The following SPRED3 variants were observed in gnomAD, a reference collection of about 807,000 sequenced individuals.
SPRED3 encodes sprouty related EVH1 domain containing 3.
Under a neutral mutation model 37.6 loss-of-function variants are expected in SPRED3, and 23 were observed. That is an observed-to-expected ratio of 0.61 (90% CI 0.44 to 0.87). SPRED3 has a LOEUF of 0.87. Among genes scored for constraint, SPRED3 ranks in the 40% least tolerant of loss-of-function variants. The pLI, the probability that SPRED3 is intolerant of heterozygous loss-of-function variation, is 0.00. For synonymous variants in SPRED3, 302 were observed against 279.6 expected (o/e 1.08, Z -0.80); for missense variants, 584 against 618.6 (o/e 0.94, Z 0.59).
rs769626750 is a variant in SPRED3 at position 38,395,500 on chromosome 19, G to C, written c.588G>C (p.Pro196=). 4 of 1,516,458 alleles carry C rather than the reference G, an allele frequency of 2.6e-6. No individual in the cohort carries two copies. Among genetic ancestry groups the C allele is most frequent in the Non-Finnish European group, 3.5e-6 (4 of 1,136,836 alleles). The allele number at this position is 1,516,458 out of a possible 1,614,324, so 93.9% of individuals were successfully genotyped here. Residue 196 remains proline, a synonymous_variant, in exon 6 of 6, where the codon CCG becomes CCC. Transcript: ENST00000691638. This position sits in a 1 kb window ranked among gnomAD's most constrained non-coding sequence, Gnocchi z 5.2. The stretch of plus-strand genomic sequence containing the variant: ...CGCAGAGCTACCCTCCGCTTCTACC[G>C]TTCACGGGGATTCCGGAACCCTCAG... The part of the protein sequence containing the change: ...SSAQSYPPLL[P]FTGIPEPSEP...
chr19:38,388,806 A>G lies in SPRED3; in HGVS notation c.-6A>G. ...GCTCGGAGCCCGGCCGGAGCCTCGC[A>G]GGCAGGTGCCGAGGGGGGCGAGGGG... On this transcript the variant is annotated splice_region_variant and 5_prime_UTR_variant, in exon 1 of 6. Transcript: ENST00000691638. 1 of 397,636 alleles carries G rather than the reference A, an allele frequency of 2.5e-6. No homozygotes were observed. Among genetic ancestry groups the G allele is most frequent in the Non-Finnish European group, 4.4e-6 (1 of 225,474 alleles). 24.6% of individuals were successfully genotyped at this position (397,636 alleles called of 1,614,324 possible). A position where few individuals can be genotyped will look rare whatever the true frequency, so the allele number is the denominator to read the frequency against.
rs1011566178 is a variant in SPRED3 at position 38,396,723 on chromosome 19, G to A, written c.*578G>A. On this transcript the variant is annotated 3_prime_UTR_variant, in exon 6 of 6. Coordinates refer to ENST00000691638, the MANE Select transcript of SPRED3 (RefSeq NM_001394336.1). The stretch of plus-strand genomic sequence containing the variant: ...GGACCCCTGAGACAGCAGGACCCCT[G>A]AGAAAGTTTCAAACAGAGTTTGAAA... The A allele has an allele frequency of 6.6e-6, 1 of 152,072 alleles. No homozygotes were observed. The highest frequency in any genetic ancestry group is 2.4e-5 in the African/African-American group (1 of 41,380). 9.4% of individuals were successfully genotyped at this position (152,072 alleles called of 1,614,324 possible).
At position 38,396,737 on chromosome 19, in the gene SPRED3, C is replaced by T. The variant is rs1350141920; in HGVS notation, c.*592C>T. 6.6e-6 allele frequency: 1 copy of T among 152,086 alleles called. No individual in the cohort carries two copies. The allele number at this position is 152,086 out of a possible 1,614,324, so 9.4% of individuals were successfully genotyped here. A position where few individuals can be genotyped will look rare whatever the true frequency, so the allele number is the denominator to read the frequency against. ...GCAGGACCCCTGAGAAAGTTTCAAACAGAGTTTGAAACTCTGTTATGCTCT... is the reference window on the plus strand; with the variant it reads ...GCAGGACCCCTGAGAAAGTTTCAAATAGAGTTTGAAACTCTGTTATGCTCT... On this transcript the variant is annotated 3_prime_UTR_variant, in exon 6 of 6. Coordinates refer to ENST00000691638, the MANE Select transcript of SPRED3 (RefSeq NM_001394336.1).
rs1242009734 is a variant in SPRED3 at position 38,397,047 on chromosome 19, A to G, written c.*902A>G. On this transcript the variant is annotated 3_prime_UTR_variant, in exon 6 of 6. Transcript: ENST00000691638. ...GACCTCCATAGGTCCACCCACCCCCAAGCCAGGGTTCTCAGGAGCTTTGGA... is the reference window on the plus strand; with the variant it reads ...GACCTCCATAGGTCCACCCACCCCCGAGCCAGGGTTCTCAGGAGCTTTGGA... The G allele has an allele frequency of 6.6e-6, 1 of 152,064 alleles. No individual in the cohort carries two copies. Among genetic ancestry groups the G allele is most frequent in the Non-Finnish European group, 1.5e-5 (1 of 67,990 alleles). 9.4% of individuals were successfully genotyped at this position (152,064 alleles called of 1,614,324 possible). A position where few individuals can be genotyped will look rare whatever the true frequency, so the allele number is the denominator to read the frequency against.
Position 38,396,015 on chromosome 19 carries a change from C to A in SPRED3, c.1103C>A (p.Ala368Asp). 2 of 1,371,108 alleles carry A rather than the reference C, an allele frequency of 1.5e-6. No homozygotes were observed. Among genetic ancestry groups the A allele is most frequent in the African/African-American group, 1.5e-5 (1 of 65,298 alleles). The allele number at this position is 1,371,108 out of a possible 1,614,324, so 84.9% of individuals were successfully genotyped here. ...PGHPRPAARWAALAALSLAVP... is the reference protein window; with the variant it reads ...PGHPRPAARWDALAALSLAVP... ...CACCCGCGCCCCGCCGCGCGCTGGG[C>A]CGCGCTGGCCGCGCTCTCCCTGGCA... is the stretch of plus-strand genomic sequence containing the variant. The change falls in exon 6 of 6, where the codon GCC becomes GAC. Residue 368 changes from alanine to aspartate, a missense_variant. Ala to Asp is a moderately radical substitution (Grantham distance 126). Coordinates refer to ENST00000691638, the MANE Select transcript of SPRED3 (RefSeq NM_001394336.1).
Position 38,394,708 on chromosome 19 carries a change from G to A in SPRED3, c.489G>A (p.Ala163=). The A allele has an allele frequency of 6.3e-7, 1 of 1,594,494 alleles. No homozygotes were observed. The highest frequency in any genetic ancestry group is 8.5e-7 in the Non-Finnish European group (1 of 1,173,282). Residue 163 remains alanine (A), a synonymous_variant, in exon 5 of 6, where the codon GCG becomes GCA. Transcript: ENST00000691638. ...SRQETPPSAA[A]APIITMESAS... Reference sequence around the variant, plus strand: ...AGGAGACTCCTCCCAGCGCCGCTGCGGCCCCCATCATCACGATGGAGTCAG... The same window carrying A: ...AGGAGACTCCTCCCAGCGCCGCTGCAGCCCCCATCATCACGATGGAGTCAG...
In SPRED3 at chr19:38,395,268, A is replaced by C. The variant is rs1568396612; in HGVS notation, c.568-212A>C. Reference sequence around the variant, plus strand: ...GATCTTAAGAGAGGACAGGACTAGGAACCTTCGGCCTCTGGGTCCTTAAAG... The same window carrying C: ...GATCTTAAGAGAGGACAGGACTAGGCACCTTCGGCCTCTGGGTCCTTAAAG... On this transcript the variant is annotated intron_variant, in intron 5 of 5. Coordinates refer to ENST00000691638, the MANE Select transcript of SPRED3 (RefSeq NM_001394336.1). This position sits in a 1 kb window ranked among gnomAD's most constrained non-coding sequence, Gnocchi z 5.2. Among the ~76,000 whole-genome samples the C allele has an allele frequency of 1.3e-5, 2 of 152,054 alleles. No homozygotes were observed. Among genetic ancestry groups the C allele is most frequent in the Non-Finnish European group, 2.9e-5 (2 of 68,020 alleles).
chr19:38,393,760 T>G, intron 4 of SPRED3, among the ~76,000 whole-genome samples: 1 of 152,208 alleles, frequency 6.6e-6, no homozygotes, highest in East Asian at 1.9e-4. Context: ...AGTAAGTGTT[T>G]AGTAAATATG....
chr19:38,399,209 C>T lies in SPRED3; in HGVS notation c.*3064C>T, dbSNP rs1041099970. The T allele has an allele frequency of 6.6e-6, 1 of 152,610 alleles. No homozygotes were observed. The highest frequency in any genetic ancestry group is 1.5e-5 in the Non-Finnish European group (1 of 68,396). The allele number at this position is 152,610 out of a possible 1,614,324, so 9.5% of individuals were successfully genotyped here. ...GGAAAGGTCCCCTGGCCGCCACTTCCCAGCAGCGCCTCTCCCAGGTCCCCC... is the reference window on the plus strand; with the variant it reads ...GGAAAGGTCCCCTGGCCGCCACTTCTCAGCAGCGCCTCTCCCAGGTCCCCC... On this transcript the variant is annotated 3_prime_UTR_variant, in exon 6 of 6. Transcript: ENST00000691638.
Position 38,394,644 on chromosome 19 carries a change from C to T in SPRED3, c.425C>T (p.Ser142Phe). Residue 142 changes from serine to phenylalanine, a missense_variant and splice_region_variant, in exon 5 of 6, where the codon TCC becomes TTC. Coordinates refer to ENST00000691638, the MANE Select transcript of SPRED3 (RefSeq NM_001394336.1). ...DTAETPCPLT[S>F]HVDSDSSSSH... Reference sequence around the variant, plus strand: ...GCTGAGGCCGCCAATCTCCTCCAGTCCCACGTGGACAGCGACTCCTCCTCC... The same window carrying T: ...GCTGAGGCCGCCAATCTCCTCCAGTTCCACGTGGACAGCGACTCCTCCTCC... The T allele has an allele frequency of 1.3e-6, 2 of 1,594,860 alleles. No individual in the cohort carries two copies. The highest frequency in any genetic ancestry group is 1.7e-6 in the Non-Finnish European group (2 of 1,175,286).
rs567290781 is a variant in SPRED3, at chr19:38,396,924, C to T, written c.*779C>T. ...CTGAGTGCTCGGATATACTGAAACACGAGCTGTTCTCTTACCAAAATGACT... is the reference window on the plus strand; with the variant it reads ...CTGAGTGCTCGGATATACTGAAACATGAGCTGTTCTCTTACCAAAATGACT... On this transcript the variant is annotated 3_prime_UTR_variant, in exon 6 of 6. Transcript: ENST00000691638. 6.6e-6 allele frequency: 1 copy of T among 152,234 alleles called. No homozygotes were observed. The highest frequency in any genetic ancestry group is 2.1e-4 in the South Asian group (1 of 4,820). The allele number at this position is 152,234 out of a possible 1,614,324, so 9.4% of individuals were successfully genotyped here. A position where few individuals can be genotyped will look rare whatever the true frequency, so the allele number is the denominator to read the frequency against.
At position 38,396,382 on chromosome 19, in the gene SPRED3, TCCCCCACC is replaced by T. The variant is rs1970898220; in HGVS notation, c.*241_*248del. The T allele has an allele frequency of 3.1e-6, 1 of 322,098 alleles. No homozygotes were observed. Among genetic ancestry groups the T allele is most frequent in the Non-Finnish European group, 5.6e-6 (1 of 179,188 alleles). The allele number at this position is 322,098 out of a possible 1,614,324, so 20.0% of individuals were successfully genotyped here. ...TCCCAGGCGTCCTGAGTTCTGGCGT[TCCCCCACC>T]CCCACACCCCACGAGGAGGCTCCAG... On this transcript the variant is annotated 3_prime_UTR_variant, in exon 6 of 6. Coordinates refer to ENST00000691638, the MANE Select transcript of SPRED3 (RefSeq NM_001394336.1).
rs1970811336 is a variant in SPRED3 at position 38,390,299 on chromosome 19, G to A, written c.-4G>A. 1 of 1,341,252 alleles carries A rather than the reference G, an allele frequency of 7.5e-7. No individual in the cohort carries two copies. Among genetic ancestry groups the A allele is most frequent in the Non-Finnish European group, 9.6e-7 (1 of 1,037,202 alleles). The allele number at this position is 1,341,252 out of a possible 1,614,324, so 83.1% of individuals were successfully genotyped here. On this transcript the variant is annotated splice_region_variant and 5_prime_UTR_variant, in exon 2 of 6. Transcript: ENST00000691638. ...CTGTCCTTCCCCCCACCTCCTGCAG[G>A]TACATGGTGCGGGTCCGAGCTGTGG...
rs1970931546 is a variant in SPRED3 at position 38,399,001 on chromosome 19, A to T, written c.*2856A>T. 1 of 151,648 alleles carries T rather than the reference A, an allele frequency of 6.6e-6. No homozygotes were observed. The highest frequency in any genetic ancestry group is 1.5e-5 in the Non-Finnish European group (1 of 67,942). 9.4% of individuals were successfully genotyped at this position (151,648 alleles called of 1,614,324 possible). A position where few individuals can be genotyped will look rare whatever the true frequency, so the allele number is the denominator to read the frequency against. On this transcript the variant is annotated 3_prime_UTR_variant, in exon 6 of 6. Transcript: ENST00000691638. ...TCAGACCCACCAGAGCTGAGGGCGG[A>T]GGGATTGGGGGCTGGGGCAGCCTGG...
rs999370021 is a variant in SPRED3, at chr19:38,398,642, C to G, written c.*2497C>G. On this transcript the variant is annotated 3_prime_UTR_variant, in exon 6 of 6. Coordinates refer to ENST00000691638, the MANE Select transcript of SPRED3 (RefSeq NM_001394336.1). ...GGGGGTGCCACAGGCTTTTTTCCCC[C>G]AAGTGAAATGGGGCTTCCAGTGGAT... 3 of 152,190 alleles carry G rather than the reference C, an allele frequency of 2.0e-5. No homozygotes were observed. Among genetic ancestry groups the G allele is most frequent in the Non-Finnish European group, 4.4e-5 (3 of 68,050 alleles). The allele number at this position is 152,190 out of a possible 1,614,324, so 9.4% of individuals were successfully genotyped here.
intron 4 of SPRED3, chr19:38,394,407 A>G (rs942588037): frequency 1.0e-5 from 16 of 1,556,332 alleles, no homozygotes; most frequent in Non-Finnish European, 1.3e-5. Flanking sequence ...CAGTGGCCCT[A>G]ACCGCATCCT....
intron 1 of SPRED3, among the ~76,000 whole-genome samples, chr19:38,389,019 C>G (rs1220567706): frequency 6.6e-6 from 1 of 152,220 alleles, no homozygotes; most frequent in Admixed American, 6.5e-5. Flanking sequence ...GAGGATGCCC[C>G]ATTCACAAAA....
chr19:38,390,214 A>T, intron 1 of SPRED3, 85 bp from the exon 2 acceptor site: 4 of 1,261,652 alleles, frequency 3.2e-6, no homozygotes, highest in Non-Finnish European at 4.1e-6. Flanking sequence ...TGGAGGGGAG[A>T]TGAGGGTTGA....
chr19:38,396,198 A>G lies in SPRED3; in HGVS notation c.*53A>G, dbSNP rs368244555. On this transcript the variant is annotated 3_prime_UTR_variant, in exon 6 of 6. Coordinates refer to ENST00000691638, the MANE Select transcript of SPRED3 (RefSeq NM_001394336.1). ...CCCGAGGACCCAAAATTGAGGGTCC[A>G]GGACCCCGGACTCCGTTCGGACCTA... is the stretch of plus-strand genomic sequence containing the variant. 5.9e-6 allele frequency: 7 copies of G among 1,194,330 alleles called. No homozygotes were observed. The highest frequency in any genetic ancestry group is 3.3e-5 in the East Asian group (1 of 30,412). The allele number at this position is 1,194,330 out of a possible 1,614,324, so 74.0% of individuals were successfully genotyped here. A position where few individuals can be genotyped will look rare whatever the true frequency, so the allele number is the denominator to read the frequency against.
Sources: gnomAD v4.1 joint callset for allele counts (sites outside exome capture counted in the v4.1 genomes callset) on GRCh38, gnomAD v4.1.1 for gene constraint, Gnocchi (gnomAD v3.1) non-coding constraint, MANE v1.5 for transcripts, NCBI Gene and HGNC (gene_info 2026-07-23, HGNC 2026-07-21) for gene names.